The following CLHC1 variants were observed in gnomAD, a reference collection of about 807,000 sequenced individuals.
CLHC1 encodes clathrin heavy chain linker domain containing 1.
CLHC1 carries 72 observed loss-of-function variants against 69.5 expected under a neutral mutation model. That is an observed-to-expected ratio of 1.04 (90% confidence interval 0.86 to 1.26). The LOEUF is 1.26. CLHC1 is among the 50% of genes most tolerant of loss of function. The pLI, the probability that CLHC1 is intolerant of heterozygous loss-of-function variation, is 0.00. For synonymous variants in CLHC1, 223 were observed against 224.3 expected (o/e 0.99, Z 0.05); for missense variants, 790 against 679.3 (o/e 1.16, Z -1.81).
At chr2:55,229,457 T>A (rs10176839) in intron 1 of CLHC1, among the ~76,000 whole-genome samples, 148,535 of 152,268 alleles carry the variant, frequency 0.98, 72,489 homozygotes, top group African/African-American at 0.99. Context: ...GAGGAACAGC[T>A]AGAGGGCCCG....
chr2:55,181,557 T>A lies in CLHC1; in HGVS notation c.1181+13A>T. 6.4e-7 allele frequency: 1 copy of A among 1,569,466 alleles called. No homozygotes were observed. Among genetic ancestry groups the A allele is most frequent in the Non-Finnish European group, 8.6e-7 (1 of 1,159,182 alleles). ...AAATGTCAAAATTAAGTTAAAAGCT[T>A]AACTTTGCTTACCTTTCCTGTGTAA... On this transcript the variant is annotated intron_variant, in intron 10 of 12. Coordinates refer to ENST00000401408, the MANE Select transcript of CLHC1 (RefSeq NM_152385.4).
At chr2:55,189,327 A>T (rs1225369608) in intron 9 of CLHC1, among the ~76,000 whole-genome samples, 1 of 152,204 alleles carries the variant, frequency 6.6e-6, no homozygotes, top group Non-Finnish European at 1.5e-5. Context: ...GACCAAATAT[A>T]TCAATAATTT....
intron 2 of CLHC1, chr2:55,224,210 C>A (rs1445806410): frequency 9.9e-6 from 3 of 302,620 alleles, no homozygotes; most frequent in Non-Finnish European, 2.0e-5. Flanking sequence ...TCAGTTCAAG[C>A]GAAGGGAGGT....
intron 2 of CLHC1, among the ~76,000 whole-genome samples, chr2:55,223,364 G>C (rs992325177): frequency 6.6e-6 from 1 of 152,172 alleles, no homozygotes; most frequent in African/African-American, 2.4e-5. Context: ...GTATTTTTCA[G>C]AGTATAGCTT....
chr2:55,215,546 A>G (rs1573742076), intron 4 of CLHC1, among the ~76,000 whole-genome samples: 1 of 152,192 alleles, frequency 6.6e-6, no homozygotes, highest in East Asian at 1.9e-4. Flanking sequence ...CTGCATACCC[A>G]TCAATGATCA....
intron 3 of CLHC1, among the ~76,000 whole-genome samples, chr2:55,218,832 A>G (rs1401252834): frequency 6.6e-6 from 1 of 152,240 alleles, no homozygotes; most frequent in Non-Finnish European, 1.5e-5. Flanking sequence ...ATTGAAGAAT[A>G]CAGAGAATAG....
At chr2:55,183,385 G>T (rs989518458) in intron 9 of CLHC1, among the ~76,000 whole-genome samples, 1 of 152,216 alleles carries the variant, frequency 6.6e-6, no homozygotes, top group African/African-American at 2.4e-5. Context: ...GGGCAATGGC[G>T]AGGAAGAATA....
intron 9 of CLHC1, among the ~76,000 whole-genome samples, chr2:55,192,425 T>C (rs1464904922): frequency 1.3e-5 from 2 of 152,118 alleles, no homozygotes; most frequent in Non-Finnish European, 2.9e-5. Flanking sequence ...TCAAATTGTA[T>C]TTTTAAAAAG....
In CLHC1 at chr2:55,222,487, G is replaced by A. The variant is rs1422935976; in HGVS notation, c.-76C>T. ...GCTCTTGCAACAAAGCCAAAACTTTGATAAGCCTGAAAGAAAAAAAGAGCA... is the reference window on the plus strand; with the variant it reads ...GCTCTTGCAACAAAGCCAAAACTTTAATAAGCCTGAAAGAAAAAAAGAGCA... On this transcript the variant is annotated 5_prime_UTR_variant, in exon 3 of 13. Coordinates refer to ENST00000401408, the MANE Select transcript of CLHC1 (RefSeq NM_152385.4). 2 of 1,078,902 alleles carry A rather than the reference G, an allele frequency of 1.9e-6. No homozygotes were observed. The highest frequency in any genetic ancestry group is 2.5e-5 in the Admixed American group (1 of 39,884). 66.8% of individuals were successfully genotyped at this position (1,078,902 alleles called of 1,614,324 possible).
intron 8 of CLHC1, among the ~76,000 whole-genome samples, chr2:55,207,426 G>C (rs1356474280): frequency 6.6e-6 from 1 of 152,106 alleles, no homozygotes; most frequent in Non-Finnish European, 1.5e-5. Flanking sequence ...ATCTCAACAA[G>C]GGTTTTTCTC....
At chr2:55,202,257 A>G (rs932760034) in intron 9 of CLHC1, among the ~76,000 whole-genome samples, 1 of 150,232 alleles carries the variant, frequency 6.7e-6, no homozygotes, top group Non-Finnish European at 1.5e-5. Context: ...TTATATTTGA[A>G]AAAAAAAAAA....
At chr2:55,214,853 T>C (rs1041453060) in intron 4 of CLHC1, 11 of 152,218 alleles carry the variant, frequency 7.2e-5, no homozygotes, top group African/African-American at 2.7e-4. Flanking sequence ...ATACATACAA[T>C]GGAGTATTAT....
At chr2:55,180,015 G>A (rs894486044) in intron 11 of CLHC1, among the ~76,000 whole-genome samples, 8 of 152,068 alleles carry the variant, frequency 5.3e-5, no homozygotes, top group South Asian at 2.1e-4. Flanking sequence ...TTAGCCGGGC[G>A]TAGTGGCGGG....
chr2:55,195,964 C>T (rs993782579), intron 9 of CLHC1, among the ~76,000 whole-genome samples: 9 of 152,210 alleles, frequency 5.9e-5, no homozygotes, highest in African/African-American at 2.2e-4. Flanking sequence ...TATTGAATTG[C>T]CAACTCACCA....
chr2:55,196,973 G>A (rs1283010978), intron 9 of CLHC1, among the ~76,000 whole-genome samples: 1 of 152,168 alleles, frequency 6.6e-6, no homozygotes, highest in African/African-American at 2.4e-5. Context: ...CCACTGCCCT[G>A]AGGGGTGAGT....
intron 7 of CLHC1, among the ~76,000 whole-genome samples, chr2:55,209,158 C>A (rs528370831): frequency 4.1e-4 from 62 of 152,252 alleles, no homozygotes; most frequent in African/African-American, 1.3e-3. Context: ...CAGGCATGAG[C>A]CACCGTGCCC....
At chr2:55,231,010 G>C (rs948709045) in intron 1 of CLHC1, among the ~76,000 whole-genome samples, 1 of 152,194 alleles carries the variant, frequency 6.6e-6, no homozygotes, top group African/African-American at 2.4e-5. Flanking sequence ...ACCACTTTGG[G>C]AGGCCAAGGA....
At chr2:55,220,327 A>G (rs1311432406) in intron 3 of CLHC1, among the ~76,000 whole-genome samples, 1 of 152,204 alleles carries the variant, frequency 6.6e-6, no homozygotes, top group Non-Finnish European at 1.5e-5. Flanking sequence ...ACAGTCATTA[A>G]TAGTTCATTA....
At chr2:55,207,862 T>C (rs1271348860) in intron 8 of CLHC1, among the ~76,000 whole-genome samples, 2 of 152,202 alleles carry the variant, frequency 1.3e-5, no homozygotes, top group Non-Finnish European at 1.5e-5. Context: ...CAGAATAACA[T>C]TTTGTTAATG....
Sources: gnomAD v4.1 joint callset for allele counts (sites outside exome capture counted in the v4.1 genomes callset) on GRCh38, gnomAD v4.1.1 for gene constraint, MANE v1.5 for transcripts, NCBI Gene and HGNC (gene_info 2026-07-23, HGNC 2026-07-21) for gene names.